Variants in FHIP1A observed in about 807,000 individuals in gnomAD.
FHIP1A encodes FHF complex subunit HOOK-interacting protein 1A.
In FHIP1A, 61 loss-of-function variants were observed where a neutral mutation model predicts 88.6. The ratio of observed to expected loss-of-function variants is 0.69; its 90% CI spans 0.56 to 0.85. FHIP1A has a LOEUF of 0.85. FHIP1A is among the 40% of genes least tolerant of loss of function. FHIP1A has a pLI of 0.00. For missense variants in FHIP1A, 1,154 were observed against 1,273.5 expected, an observed-to-expected ratio of 0.91 and a Z score of 1.43; for synonymous variants, 478 against 496.0, an observed-to-expected ratio of 0.96 and a Z score of 0.48.
At chr4:151,535,156 C>T (rs573603120) in intron 3 of FHIP1A, among the ~76,000 whole-genome samples, 142 of 152,238 alleles carry the variant, frequency 9.3e-4, no homozygotes, top group African/African-American at 3.3e-3. Context: ...ATCAAAGCTG[C>T]AGTGAGCTGT....
Position 151,512,434 on chromosome 4 carries a change from G to A in FHIP1A, c.-123+29786G>A, listed in dbSNP as rs1401471459. 3.9e-5 allele frequency among the ~76,000 whole-genome samples: 6 copies of A among 152,336 alleles called. No individual in the cohort carries two copies. In the South Asian group the frequency reaches 1.0e-3, roughly 26 times the overall value. ...AGGAACACAGCTCCTCACCAGCAAC[G>A]GAACAAAGCTGGACGGAGAATGACT... On this transcript the variant is annotated intron_variant, in intron 3 of 13. Transcript: ENST00000435205.
chr4:151,595,853 T>G (rs1170253635), intron 7 of FHIP1A, among the ~76,000 whole-genome samples: 1 of 151,936 alleles, frequency 6.6e-6, no homozygotes, highest in African/African-American at 2.4e-5. Flanking sequence ...GCAACACTGC[T>G]TTTTTTTGCT....
chr4:151,445,085 G>T (rs1297992640), intron 1 of FHIP1A, among the ~76,000 whole-genome samples: 1 of 152,100 alleles, frequency 6.6e-6, no homozygotes, highest in South Asian at 2.1e-4. Context: ...ATCTGACTTG[G>T]CTACAAATTG....
At chr4:151,558,507 C>G (rs1026633805) in intron 3 of FHIP1A, among the ~76,000 whole-genome samples, 1 of 151,896 alleles carries the variant, frequency 6.6e-6, no homozygotes, top group Non-Finnish European at 1.5e-5. Flanking sequence ...GTACTCCAGC[C>G]TGATAACAGA....
In FHIP1A at chr4:151,577,466, A is replaced by C; in HGVS notation, c.122A>C (p.Glu41Ala). ...TGGTTACAGGTTGTGAAAATCTTGG[A>C]GAAGCACGACCCCTTGAAGAACACC... ...NHWAQVVKIL[E>A]KHDPLKNTQA... Residue 41 changes from glutamate (E) to alanine (A), a missense_variant, in exon 5 of 14, where the codon GAG (glutamate) becomes GCG (alanine). By Grantham distance (107) the Glu-to-Ala change is moderately radical (BLOSUM62 -1). Coordinates refer to ENST00000435205, the MANE Select transcript of FHIP1A (RefSeq NM_001109977.3). 1.3e-6 allele frequency: 2 copies of C among 1,533,240 alleles called. No homozygotes were observed. Among genetic ancestry groups the C allele is most frequent in the Non-Finnish European group, 1.8e-6 (2 of 1,135,630 alleles). The allele number at this position is 1,533,240 out of a possible 1,614,324, so 95.0% of individuals were successfully genotyped here.
chr4:151,583,405 G>A (rs537574889), intron 5 of FHIP1A, among the ~76,000 whole-genome samples: 1 of 152,298 alleles, frequency 6.6e-6, no homozygotes, highest in East Asian at 1.9e-4. Flanking sequence ...TGCATAGAGA[G>A]TATCCTTCTG....
intron 1 of FHIP1A, among the ~76,000 whole-genome samples, chr4:151,438,578 T>C (rs888749547): frequency 1.3e-5 from 2 of 149,016 alleles, no homozygotes; most frequent in Non-Finnish European, 3.0e-5. Flanking sequence ...TATATTAGAT[T>C]GGTGCAAAAG....
intron 1 of FHIP1A, among the ~76,000 whole-genome samples, chr4:151,449,695 T>TCCCCTC (rs1728727790): frequency 6.6e-6 from 1 of 151,986 alleles, no homozygotes; most frequent in African/African-American, 2.4e-5. Flanking sequence ...TCTCCCATCC[T>TCCCCTC]TTCCCCAAGG....
intron 3 of FHIP1A, among the ~76,000 whole-genome samples, chr4:151,544,430 CT>C (rs1560759212): frequency 6.6e-6 from 1 of 152,140 alleles, no homozygotes; most frequent in Non-Finnish European, 1.5e-5. Context: ...CACTTTGGGT[CT>C]AAGATACAGG....
chr4:151,526,129 C>CA (rs565992341), intron 3 of FHIP1A, among the ~76,000 whole-genome samples: 68 of 152,344 alleles, frequency 4.5e-4, no homozygotes, highest in African/African-American at 1.6e-3. Context: ...TAGTACAGAA[C>CA]AAAATGAAAA....
chr4:151,456,933 G>C (rs1257620531), intron 2 of FHIP1A, among the ~76,000 whole-genome samples: 1 of 151,418 alleles, frequency 6.6e-6, no homozygotes, highest in African/African-American at 2.4e-5. Flanking sequence ...AAACCTATTT[G>C]TTTTTATTTT....
At chr4:151,659,723 G>A (rs556702825) in intron 13 of FHIP1A, among the ~76,000 whole-genome samples, 16 of 152,296 alleles carry the variant, frequency 1.1e-4, no homozygotes, top group African/African-American at 3.1e-4. Context: ...TAACTCAGGC[G>A]TCTGTAGCCA....
chr4:151,492,764 C>T (rs1205192696), intron 3 of FHIP1A, among the ~76,000 whole-genome samples: 1 of 152,048 alleles, frequency 6.6e-6, no homozygotes, highest in Admixed American at 6.6e-5. Flanking sequence ...TCAACATGGA[C>T]ATTAACAAAT....
In FHIP1A at chr4:151,527,416, C is replaced by G. The variant is rs569868480; in HGVS notation, c.-122-38722C>G. Among the ~76,000 whole-genome samples the G allele has an allele frequency of 7.2e-5, 11 of 152,256 alleles. No individual in the cohort carries two copies. The South Asian group carries it at 1.9e-3, about 26-fold the overall frequency. On this transcript the variant is annotated intron_variant, in intron 3 of 13. Coordinates refer to ENST00000435205, the MANE Select transcript of FHIP1A (RefSeq NM_001109977.3). Reference sequence around the variant, plus strand: ...GCGCACACCTGCAGTCGCAGGCACTCGGCAGGCTGAGGCAGGAGAATCAGG... The same window carrying G: ...GCGCACACCTGCAGTCGCAGGCACTGGGCAGGCTGAGGCAGGAGAATCAGG...
chr4:151,579,340 A>T (rs1733936655), intron 5 of FHIP1A, among the ~76,000 whole-genome samples: 1 of 152,106 alleles, frequency 6.6e-6, no homozygotes, highest in Non-Finnish European at 1.5e-5. Flanking sequence ...GAGGCTGTGC[A>T]TGTGTTGGGG....
At chr4:151,422,588 G>C (rs1580545987) in intron 1 of FHIP1A, among the ~76,000 whole-genome samples, 1 of 152,194 alleles carries the variant, frequency 6.6e-6, no homozygotes, top group South Asian at 2.1e-4. Context: ...ACGGGGTTTT[G>C]CCATGTTGGC....
At chr4:151,590,130 T>C (rs1293110297) in intron 7 of FHIP1A, among the ~76,000 whole-genome samples, 1 of 152,224 alleles carries the variant, frequency 6.6e-6, no homozygotes, top group Non-Finnish European at 1.5e-5. Context: ...GTATCTTGCA[T>C]TGAAGACCTC....
intron 3 of FHIP1A, among the ~76,000 whole-genome samples, chr4:151,564,225 G>C (rs1394695717): frequency 6.6e-6 from 1 of 152,126 alleles, no homozygotes; most frequent in Non-Finnish European, 1.5e-5. Flanking sequence ...TTGAATTCTG[G>C]AGCTGGAAAG....
chr4:151,506,232 C>T (rs74869904), intron 3 of FHIP1A, among the ~76,000 whole-genome samples: 3,201 of 152,018 alleles, frequency 0.021, 97 homozygotes, highest in African/African-American at 0.073. Flanking sequence ...AAATTGACCT[C>T]GGTGGTGAGT....
Sources: gnomAD v4.1 joint callset for allele counts (sites outside exome capture counted in the v4.1 genomes callset) on GRCh38, gnomAD v4.1.1 for gene constraint, MANE v1.5 for transcripts, NCBI Gene and HGNC (gene_info 2026-07-23, HGNC 2026-07-21) for gene names.